The following MAGI2 variants were observed in gnomAD, a reference collection of about 807,000 sequenced individuals.
The protein encoded by MAGI2 is membrane associated guanylate kinase, WW and PDZ domain containing 2.
MAGI2 carries 35 observed loss-of-function variants against 133.3 expected under a neutral mutation model. The ratio of observed to expected loss-of-function variants is 0.26; its 90% CI spans 0.20 to 0.35. MAGI2 has a LOEUF of 0.35. MAGI2 is among the 10% of genes least tolerant of loss of function. The pLI is 1.00. For missense variants in MAGI2, 1,636 were observed against 1,863.4 expected (o/e 0.88, Z 2.25); for synonymous variants, 729 against 710.6 (o/e 1.03, Z -0.41).
At chr7:78,358,498 A>C (rs10267392) in intron 7 of MAGI2, 76,186 of 154,928 alleles carry the variant, frequency 0.49, 19,195 homozygotes, top group Middle Eastern at 0.58. Flanking sequence ...CCCAAGGCCC[A>C]CCCGCCCCGC....
chr7:78,689,843 TC>T (rs1465213844), intron 2 of MAGI2, among the ~76,000 whole-genome samples: 1 of 152,146 alleles, frequency 6.6e-6, no homozygotes, highest in Non-Finnish European at 1.5e-5. Flanking sequence ...TTGTGTTGTT[TC>T]CAGTTTGGGG....
intron 16 of MAGI2, among the ~76,000 whole-genome samples, chr7:78,137,494 A>G (rs1385970264): frequency 1.3e-5 from 2 of 152,200 alleles, no homozygotes; most frequent in African/African-American, 4.8e-5. Context: ...ATTAAGGGGT[A>G]TGTGTGTGCT....
At chr7:79,138,165 C>A (rs1821769349) in intron 1 of MAGI2, among the ~76,000 whole-genome samples, 1 of 152,156 alleles carries the variant, frequency 6.6e-6, no homozygotes, top group Non-Finnish European at 1.5e-5. Context: ...ACCTCCAGAA[C>A]TGTAAGATCG....
At chr7:78,085,670 A>C (rs1168361304) in intron 20 of MAGI2, among the ~76,000 whole-genome samples, 1 of 152,088 alleles carries the variant, frequency 6.6e-6, no homozygotes, top group Non-Finnish European at 1.5e-5. Context: ...TTATGGATGC[A>C]CAGAAGAGAG....
Position 78,019,902 on chromosome 7 carries a change from C to T in MAGI2, c.3781G>A (p.Gly1261Ser), listed in dbSNP as rs779750379. 6.8e-6 allele frequency: 11 copies of T among 1,610,690 alleles called. No homozygotes were observed. Among genetic ancestry groups the T allele is most frequent in the South Asian group, 4.4e-5 (4 of 90,456 alleles). Residue 1261 changes from glycine (G) to serine (S), a missense_variant, in exon 22 of 22, where the codon GGC becomes AGC. Physicochemically the swap from Gly to Ser is moderately conservative, Grantham distance 56 (BLOSUM62 0). This residue lies in a region of MAGI2 where 354 missense variants were observed against 298.7 expected (regional missense o/e 1.19). Coordinates refer to ENST00000354212, the MANE Select transcript of MAGI2 (RefSeq NM_012301.4). The stretch of plus-strand genomic sequence containing the variant: ...TGTGATGGAGAGAATGGAGCGAGGC[C>T]GTCGTCCAGGGAGACGCCTACTTCC... ...LPEVGVSLDD[G>S]LAPFSPSHPA...
At chr7:78,728,545 T>TATATCTGAAAAAATGATTCA (rs1483845832) in intron 2 of MAGI2, among the ~76,000 whole-genome samples, 4 of 3,678 alleles carry the variant, frequency 1.1e-3, no homozygotes, top group African/African-American at 2.3e-3. Flanking sequence ...CTGATCTTTT[T>TATATCTGAAAAAATGATTCA]TTTTTTTTTT....
chr7:78,755,299 C>G (rs989235069), intron 2 of MAGI2, among the ~76,000 whole-genome samples: 1 of 152,090 alleles, frequency 6.6e-6, no homozygotes, highest in Non-Finnish European at 1.5e-5. Context: ...ACTATGGCAG[C>G]TTAGGAAAAT....
At chr7:78,343,387 C>T (rs934711801) in intron 9 of MAGI2, among the ~76,000 whole-genome samples, 4 of 152,068 alleles carry the variant, frequency 2.6e-5, no homozygotes, top group African/African-American at 9.7e-5. Context: ...AATAACTAAC[C>T]TGGGTGATAT....
chr7:79,044,022 T>C (rs892156071), intron 1 of MAGI2, among the ~76,000 whole-genome samples: 7 of 152,192 alleles, frequency 4.6e-5, no homozygotes, highest in African/African-American at 1.7e-4. Context: ...GTATCAATCC[T>C]ACTGACACTA....
chr7:78,122,215 T>C (rs1352563346), intron 20 of MAGI2, among the ~76,000 whole-genome samples: 1 of 152,226 alleles, frequency 6.6e-6, no homozygotes, highest in Non-Finnish European at 1.5e-5. Context: ...CATGGGTCCT[T>C]GAATCATGGT....
chr7:78,885,027 G>C (rs1170300754), intron 2 of MAGI2, among the ~76,000 whole-genome samples: 1 of 152,134 alleles, frequency 6.6e-6, no homozygotes, highest in South Asian at 2.1e-4. Flanking sequence ...GCAACTGGAG[G>C]CCATCATCCT....
intron 2 of MAGI2, among the ~76,000 whole-genome samples, chr7:78,726,840 C>T (rs562403784): frequency 2.6e-5 from 4 of 151,666 alleles, no homozygotes; most frequent in South Asian, 4.2e-4. Flanking sequence ...ATAAGAATCA[C>T]ATCTTTTTAG....
At chr7:78,402,878 G>GA (rs1350379315) in intron 6 of MAGI2, among the ~76,000 whole-genome samples, 2 of 151,992 alleles carry the variant, frequency 1.3e-5, no homozygotes, top group Non-Finnish European at 2.9e-5. Context: ...TAATATATGA[G>GA]AAAATACCAT....
At chr7:79,256,237 T>C (rs1833669102) in intron 1 of MAGI2, among the ~76,000 whole-genome samples, 1 of 152,176 alleles carries the variant, frequency 6.6e-6, no homozygotes, top group Non-Finnish European at 1.5e-5. Flanking sequence ...ATTTTTATTT[T>C]CCTTTCGAGA....
chr7:78,561,516 A>G (rs762372488), intron 3 of MAGI2, among the ~76,000 whole-genome samples: 3 of 152,232 alleles, frequency 2.0e-5, no homozygotes, highest in Admixed American at 6.5e-5. Flanking sequence ...AAGTTGGTGC[A>G]AAAGTAATTG....
intron 12 of MAGI2, among the ~76,000 whole-genome samples, chr7:78,188,870 A>G (rs1215167510): frequency 6.6e-6 from 1 of 152,174 alleles, no homozygotes; most frequent in Non-Finnish European, 1.5e-5. Context: ...GGAGACTTGG[A>G]GTCAGGAAGG....
intron 1 of MAGI2, among the ~76,000 whole-genome samples, chr7:79,136,489 G>C (rs1821587603): frequency 6.6e-6 from 1 of 152,214 alleles, no homozygotes; most frequent in South Asian, 2.1e-4. Flanking sequence ...CCTCTCATCA[G>C]CTGCTGAAAT....
intron 6 of MAGI2, among the ~76,000 whole-genome samples, chr7:78,481,666 G>A (rs572277136): frequency 6.6e-6 from 1 of 151,820 alleles, no homozygotes; most frequent in Admixed American, 6.6e-5. Context: ...AAGAAGAATA[G>A]CCTTTTCAAC....
chr7:78,724,144 A>C (rs1030896675), intron 2 of MAGI2, among the ~76,000 whole-genome samples: 15 of 152,154 alleles, frequency 9.9e-5, no homozygotes, highest in African/African-American at 3.6e-4. Context: ...AGGATAACTA[A>C]AGGAAATGTA....
Sources: allele counts gnomAD v4.1 joint callset (sites outside exome capture counted in the v4.1 genomes callset), GRCh38; gene constraint gnomAD v4.1.1; regional missense constraint gnomAD v4.1.1; transcripts MANE v1.5; gene names NCBI Gene and HGNC (gene_info 2026-07-23, HGNC 2026-07-21).